DTD1: variants seen among roughly 807,000 people sequenced by gnomAD.
DTD1 encodes the protein D-tyrosyl-tRNA deacylase 1 homolog.
Under a neutral mutation model 25.6 loss-of-function variants are expected in DTD1, and 13 were observed. The ratio of observed to expected loss-of-function variants is 0.51; its 90% CI spans 0.33 to 0.81. The LOEUF (loss-of-function observed/expected upper bound fraction) is 0.81, where lower values mean the gene tolerates loss of function less well. DTD1 is among the 30% of genes least tolerant of loss of function. The pLI, the probability that DTD1 is intolerant of heterozygous loss-of-function variation, is 0.02. For missense variants in DTD1, 193 were observed against 266.4 expected (o/e 0.72, Z 1.92); for synonymous variants, 110 against 103.6 (o/e 1.06, Z -0.37).
chr20:18,650,898 G>A (rs1004817011), intron 4 of DTD1, among the ~76,000 whole-genome samples: 1 of 152,112 alleles, frequency 6.6e-6, no homozygotes, highest in African/African-American at 2.4e-5. Flanking sequence ...AAAGATAAAT[G>A]TAATTTTAAA....
At chr20:18,709,884 T>A (rs2061151620) in intron 4 of DTD1, among the ~76,000 whole-genome samples, 1 of 152,136 alleles carries the variant, frequency 6.6e-6, no homozygotes, top group Admixed American at 6.5e-5. Flanking sequence ...TCTTTTTTTT[T>A]AATGCCTGGA....
At chr20:18,750,418 T>A (rs1476104686) in intron 5 of DTD1, among the ~76,000 whole-genome samples, 1 of 152,132 alleles carries the variant, frequency 6.6e-6, no homozygotes, top group African/African-American at 2.4e-5. Flanking sequence ...TTTCTTTAAA[T>A]ACAGAAAGAG....
intron 3 of DTD1, among the ~76,000 whole-genome samples, chr20:18,601,583 C>G (rs937695445): frequency 5.3e-5 from 8 of 151,698 alleles, no homozygotes; most frequent in African/African-American, 1.7e-4. Context: ...ATCTGAGAAC[C>G]GGCAGACTGC....
At position 18,733,294 on chromosome 20, in the gene DTD1, CT is replaced by C. The variant is rs139249104; in HGVS notation, c.478-10804del. On this transcript the variant is annotated intron_variant, in intron 4 of 5. Transcript: ENST00000377452. Reference sequence around the variant, plus strand: ...CTTCTGGCCTGCCCTATACTCAGGCCTTGTGCCCGCCTGTGGCCACAGGGTG... The same window carrying C: ...CTTCTGGCCTGCCCTATACTCAGGCCTGTGCCCGCCTGTGGCCACAGGGTG... Among the ~76,000 whole-genome samples, 798 of 152,300 alleles carry C rather than the reference CT, an allele frequency of 5.2e-3. 5 individuals carry two copies. The highest frequency in any genetic ancestry group is 0.035 in the South Asian group (169 of 4,826).
chr20:18,617,782 G>A (rs548142000), intron 3 of DTD1, among the ~76,000 whole-genome samples: 8 of 151,922 alleles, frequency 5.3e-5, no homozygotes, highest in African/African-American at 1.7e-4. Flanking sequence ...CTATACAAAA[G>A]GTATGATGTG....
chr20:18,681,574 T>G lies in DTD1; in HGVS notation c.477+53341T>G, dbSNP rs181804056. ...AACAAGGACAGGAATTAGAATGGGC[T>G]TTTTGTCAGAAAGCATGTAAGCAGG... On this transcript the variant is annotated intron_variant, in intron 4 of 5. Transcript: ENST00000377452. Among the ~76,000 whole-genome samples the G allele has an allele frequency of 2.4e-4, 36 of 152,338 alleles. No homozygotes were observed. In the East Asian group the frequency reaches 6.2e-3, roughly 26 times the overall value.
intron 3 of DTD1, among the ~76,000 whole-genome samples, chr20:18,596,737 T>A (rs573147313): frequency 3.3e-5 from 5 of 152,260 alleles, no homozygotes; most frequent in African/African-American, 1.2e-4. Context: ...TCTCTTTTTT[T>A]TTTTTCTAAA....
intron 4 of DTD1, among the ~76,000 whole-genome samples, chr20:18,640,282 C>G (rs890186615): frequency 4.0e-5 from 6 of 151,896 alleles, no homozygotes; most frequent in African/African-American, 1.4e-4. Context: ...TCTTTTTTCT[C>G]ATGAGTCCAT....
chr20:18,729,656 T>C (rs1347316799), intron 4 of DTD1, among the ~76,000 whole-genome samples: 1 of 152,240 alleles, frequency 6.6e-6, no homozygotes, highest in Non-Finnish European at 1.5e-5. Context: ...TTCTGTGCTT[T>C]AAAAAATTTA....
At chr20:18,588,274 A>G (rs6075372) in intron 1 of DTD1, among the ~76,000 whole-genome samples, 159 bp downstream of exon 1, 139,706 of 151,972 alleles carry the variant, frequency 0.92, 65,265 homozygotes, top group East Asian at 1. Context: ...GCGAGTCCCC[A>G]GGGCCGGCTT....
intron 3 of DTD1, among the ~76,000 whole-genome samples, chr20:18,621,015 C>G (rs2060731819): frequency 6.6e-6 from 1 of 152,206 alleles, no homozygotes. Context: ...GAAATTAACA[C>G]TGATAACATA....
At chr20:18,650,300 TTAAC>T (rs200317711) in intron 4 of DTD1, among the ~76,000 whole-genome samples, 2,167 of 152,262 alleles carry the variant, frequency 0.014, 33 homozygotes, top group African/African-American at 0.022. Flanking sequence ...AGCAGAGTAT[TTAAC>T]TAAGTGCAGA....
At chr20:18,617,426 G>C (rs1435342098) in intron 3 of DTD1, among the ~76,000 whole-genome samples, 1 of 151,136 alleles carries the variant, frequency 6.6e-6, no homozygotes, top group Non-Finnish European at 1.5e-5. Context: ...ATATATATGA[G>C]GGTTTACTTC....
chr20:18,654,802 A>G (rs968947162), intron 4 of DTD1, among the ~76,000 whole-genome samples: 1 of 41,148 alleles, frequency 2.4e-5, no homozygotes, highest in Non-Finnish European at 6.9e-5. Context: ...GCTCATTAAA[A>G]AAAAAAAATC....
intron 3 of DTD1, among the ~76,000 whole-genome samples, chr20:18,600,939 T>A (rs2060631490): frequency 6.6e-6 from 1 of 152,264 alleles, no homozygotes; most frequent in African/African-American, 2.4e-5. Context: ...TTTTGTATCC[T>A]GCAGTCTTGC....
intron 3 of DTD1, among the ~76,000 whole-genome samples, chr20:18,623,791 G>A (rs752469809): frequency 1.3e-5 from 2 of 151,606 alleles, no homozygotes; most frequent in Non-Finnish European, 2.9e-5. Context: ...TGTGTTCTAT[G>A]GTATTATAAT....
chr20:18,648,635 C>T (rs1418793243), intron 4 of DTD1, among the ~76,000 whole-genome samples: 5 of 152,138 alleles, frequency 3.3e-5, no homozygotes, highest in African/African-American at 1.2e-4. Flanking sequence ...TCCTCCTCCA[C>T]TTGTCATGGT....
rs1448614081 is a variant in DTD1, at chr20:18,763,957, T to A, written c.*617T>A. 1 of 152,216 alleles carries A rather than the reference T, an allele frequency of 6.6e-6. No homozygotes were observed. The highest frequency in any genetic ancestry group is 1.5e-5 in the Non-Finnish European group (1 of 68,048). 9.4% of individuals were successfully genotyped at this position (152,216 alleles called of 1,614,324 possible). ...TGCATAACGATGATGTCCATAGAAA[T>A]GCAATGCGTCTGACCTCTCTCTATG... On this transcript the variant is annotated 3_prime_UTR_variant, in exon 6 of 6. Transcript: ENST00000377452.
intron 3 of DTD1, among the ~76,000 whole-genome samples, chr20:18,618,559 A>G (rs1207779251): frequency 6.7e-6 from 1 of 149,704 alleles, no homozygotes; most frequent in Non-Finnish European, 1.5e-5. Flanking sequence ...CACATCTATA[A>G]TACATATTAA....
Sources: allele counts gnomAD v4.1 joint callset (sites outside exome capture counted in the v4.1 genomes callset), GRCh38; gene constraint gnomAD v4.1.1; transcripts MANE v1.5; gene names NCBI Gene and HGNC (gene_info 2026-07-23, HGNC 2026-07-21).